Variants in NSMCE1 observed in about 807,000 individuals in gnomAD.
NSMCE1 encodes the protein non-structural maintenance of chromosomes element 1 homolog.
In NSMCE1, 18 loss-of-function variants were observed where a neutral mutation model predicts 29.6. That is an observed-to-expected ratio of 0.61 (90% CI 0.42 to 0.90). The LOEUF (loss-of-function observed/expected upper bound fraction) is 0.90. Ranked by LOEUF, NSMCE1 falls within the 40% of genes least tolerant of loss-of-function variation. The pLI is 0.00. For synonymous variants in NSMCE1, 124 were observed against 133.4 expected (o/e 0.93, Z 0.49); for missense variants, 314 against 343.6 (o/e 0.91, Z 0.68).
At chr16:27,260,639 C>T (rs2084143660) in intron 1 of NSMCE1, among the ~76,000 whole-genome samples, 1 of 151,920 alleles carries the variant, frequency 6.6e-6, no homozygotes, top group South Asian at 2.1e-4. Context: ...AGGCTGGGCA[C>T]AGTGAGCCCA....
intron 2 of NSMCE1, among the ~76,000 whole-genome samples, chr16:27,240,010 C>T (rs1199423647): frequency 6.6e-6 from 1 of 152,182 alleles, no homozygotes; most frequent in Non-Finnish European, 1.5e-5. Context: ...ACAGTAACTC[C>T]GTAAGATGAA....
intron 2 of NSMCE1, among the ~76,000 whole-genome samples, chr16:27,237,757 T>G (rs1567275659): frequency 6.6e-6 from 1 of 152,224 alleles, no homozygotes; most frequent in South Asian, 2.1e-4. Context: ...GACACCCCGT[T>G]GCAGGGAGGG....
chr16:27,251,159 AATATAT>A lies in NSMCE1; in HGVS notation c.136+6270_136+6275del, dbSNP rs1166070119. ...CCCAGCCTTAATTTTAATTATTTAA[AATATAT>A]ATATATATATATATATATATATATA... On this transcript the variant is annotated intron_variant, in intron 2 of 7. Coordinates refer to ENST00000361439, the MANE Select transcript of NSMCE1 (RefSeq NM_145080.4). Among the ~76,000 whole-genome samples, 27 of 65,774 alleles carry A rather than the reference AATATAT, an allele frequency of 4.1e-4. No individual in the cohort carries two copies. In the Middle Eastern group the frequency reaches 0.02, roughly 49 times the overall value. 43.2% of individuals were successfully genotyped at this position (65,774 alleles called of 152,430 possible). A position where few individuals can be genotyped will look rare whatever the true frequency, so the allele number is the denominator to read the frequency against.
At chr16:27,261,250 A>G (rs1268446096) in intron 1 of NSMCE1, among the ~76,000 whole-genome samples, 2 of 151,790 alleles carry the variant, frequency 1.3e-5, no homozygotes, top group African/African-American at 4.8e-5. Context: ...TAAAGGGCAG[A>G]AATTAATAAA....
intron 2 of NSMCE1, among the ~76,000 whole-genome samples, chr16:27,237,731 T>G (rs1313538292): frequency 6.6e-6 from 1 of 152,198 alleles, no homozygotes; most frequent in Non-Finnish European, 1.5e-5. Flanking sequence ...AGCATTCTGA[T>G]CTATTGGACT....
At chr16:27,240,734 T>C (rs1351151872) in intron 2 of NSMCE1, among the ~76,000 whole-genome samples, 2 of 152,222 alleles carry the variant, frequency 1.3e-5, no homozygotes, top group Admixed American at 6.5e-5. Context: ...TTGAGAGATT[T>C]TGTTTTGGAC....
chr16:27,250,664 G>A (rs957918684), intron 2 of NSMCE1, among the ~76,000 whole-genome samples: 1 of 151,332 alleles, frequency 6.6e-6, no homozygotes, highest in African/African-American at 2.4e-5. Context: ...GTGGTGGCAC[G>A]TGCCTGTAAT....
In NSMCE1 at chr16:27,252,968, G is replaced by A. The variant is rs112396887; in HGVS notation, c.136+4467C>T. Among the ~76,000 whole-genome samples, 989 of 152,152 alleles carry A rather than the reference G, an allele frequency of 6.5e-3. 10 individuals carry two copies. The highest frequency in any genetic ancestry group is 0.021 in the African/African-American group (866 of 41,506). ...AAGAAACCCTTGAACGACAGGATTT[G>A]AAGAGCTTCGGGTTATTAAACACAC... On this transcript the variant is annotated intron_variant, in intron 2 of 7. Coordinates refer to ENST00000361439, the MANE Select transcript of NSMCE1 (RefSeq NM_145080.4).
chr16:27,241,819 A>C (rs1217736458), intron 2 of NSMCE1: 4 of 454,530 alleles, frequency 8.8e-6, no homozygotes, highest in Non-Finnish European at 1.8e-5. Context: ...ACCCTCAGCA[A>C]CCAATGCAGA....
chr16:27,260,840 C>A, intron 1 of NSMCE1, among the ~76,000 whole-genome samples: 3 of 128,910 alleles, frequency 2.3e-5, no homozygotes, highest in African/African-American at 3.0e-5. Flanking sequence ...GGCTGGGCAA[C>A]AGAGTGAGAC....
chr16:27,244,347 C>T (rs565490373), intron 2 of NSMCE1, among the ~76,000 whole-genome samples: 1 of 152,350 alleles, frequency 6.6e-6, no homozygotes, highest in African/African-American at 2.4e-5. Flanking sequence ...TCCCTTTCCC[C>T]ACTCACTACA....
intron 1 of NSMCE1, among the ~76,000 whole-genome samples, chr16:27,265,856 C>T (rs2084218456): frequency 6.6e-6 from 1 of 152,160 alleles, no homozygotes; most frequent in Admixed American, 6.6e-5. Context: ...TAGAAATACA[C>T]ACATACATGG....
chr16:27,261,917 G>A (rs1234425037), intron 1 of NSMCE1, among the ~76,000 whole-genome samples: 2 of 152,196 alleles, frequency 1.3e-5, no homozygotes. Flanking sequence ...ATCAATGTGA[G>A]TCACCACATT....
rs202238055 is a variant in NSMCE1 at position 27,235,268 on chromosome 16, G to T, written c.168C>A (p.Phe56Leu). Reference protein sequence around the residue: ...RNATVDKLEDFINNINSVLES... With the variant: ...RNATVDKLEDLINNINSVLES... The stretch of plus-strand genomic sequence containing the variant: ...CCAAGACACTGTTAATGTTGTTGAT[G>T]AAGTCCTCCAACTTATCTACGGTGG... Residue 56 changes from phenylalanine to leucine, a missense_variant, in exon 3 of 8, where the codon TTC (phenylalanine) becomes TTA (leucine). Phe to Leu is a conservative substitution (Grantham distance 22). Coordinates refer to ENST00000361439, the MANE Select transcript of NSMCE1 (RefSeq NM_145080.4). 6.2e-7 allele frequency: 1 copy of T among 1,613,602 alleles called. No individual in the cohort carries two copies. Among genetic ancestry groups the T allele is most frequent in the South Asian group, 1.1e-5 (1 of 91,038 alleles).
intron 2 of NSMCE1, chr16:27,241,265 A>G (rs1388763715): frequency 6.6e-6 from 1 of 152,248 alleles, no homozygotes; most frequent in Non-Finnish European, 1.5e-5. Context: ...AAACTAGGCA[A>G]TAAAAACATA....
intron 1 of NSMCE1, among the ~76,000 whole-genome samples, chr16:27,267,958 G>A (rs889197238): frequency 6.6e-6 from 1 of 152,094 alleles, no homozygotes; most frequent in Non-Finnish European, 1.5e-5. Flanking sequence ...AGCCAGGCTG[G>A]TTTCGAACTC....
intron 6 of NSMCE1, 124 bp downstream of exon 6, chr16:27,226,596 G>C (rs1171117958): frequency 3.1e-6 from 2 of 648,838 alleles, no homozygotes; most frequent in Non-Finnish European, 5.4e-6. Flanking sequence ...GCCAGCTCTT[G>C]TGGGAGGATG....
intron 2 of NSMCE1, among the ~76,000 whole-genome samples, chr16:27,251,201 TATATATAA>T (rs1567281336): frequency 1.6e-4 from 13 of 80,588 alleles, no homozygotes; most frequent in African/African-American, 7.5e-4. Flanking sequence ...AATATATATA[TATATATAA>T]AACTCTGTAG....
chr16:27,267,014 A>T lies in NSMCE1; in HGVS notation c.-12+1692T>A, dbSNP rs2084233400. 2.0e-5 allele frequency among the ~76,000 whole-genome samples: 3 copies of T among 152,298 alleles called. No homozygotes were observed. The South Asian group carries it at 6.2e-4, about 32-fold the overall frequency. On this transcript the variant is annotated intron_variant, in intron 1 of 7. Coordinates refer to ENST00000361439, the MANE Select transcript of NSMCE1 (RefSeq NM_145080.4). ...GGCTGGTTTTGTTTTTGTTTTAGCC[A>T]ATTTAAGGCAGAATTATCTCTCTGC...
Sources: gnomAD v4.1 joint callset for allele counts (sites outside exome capture counted in the v4.1 genomes callset) on GRCh38, gnomAD v4.1.1 for gene constraint, MANE v1.5 for transcripts, NCBI Gene and HGNC (gene_info 2026-07-23, HGNC 2026-07-21) for gene names.